The following ESCO1 variants were observed in gnomAD, a reference collection of about 807,000 sequenced individuals.
ESCO1 encodes the protein N-acetyltransferase ESCO1.
ESCO1 carries 33 observed loss-of-function variants against 83.5 expected under a neutral mutation model. The ratio of observed to expected loss-of-function variants is 0.40; its 90% CI spans 0.30 to 0.53. The LOEUF is 0.53. ESCO1 is among the 20% of genes least tolerant of loss of function. ESCO1 has a pLI of 0.63. For missense variants in ESCO1, 855 were observed against 968.0 expected (o/e 0.88, Z 1.55); for synonymous variants, 332 against 324.3 (o/e 1.02, Z -0.25).
chr18:21,551,176 AAC>A (rs972063905), intron 8 of ESCO1, among the ~76,000 whole-genome samples: 4 of 151,476 alleles, frequency 2.6e-5, no homozygotes, highest in African/African-American at 9.7e-5. Flanking sequence ...AATGTATAGA[AAC>A]ACAATGTCCA....
intron 2 of ESCO1, among the ~76,000 whole-genome samples, chr18:21,577,456 C>T (rs1246543232): frequency 2.7e-5 from 4 of 148,714 alleles, no homozygotes; most frequent in Non-Finnish European, 4.4e-5. Flanking sequence ...GTCAGGAGGT[C>T]GAGACCATCC....
intron 8 of ESCO1, among the ~76,000 whole-genome samples, chr18:21,559,286 G>A (rs920669963): frequency 6.6e-6 from 1 of 152,208 alleles, no homozygotes; most frequent in Non-Finnish European, 1.5e-5. Flanking sequence ...ATCAAGGGGG[G>A]GTTGGAGGAG....
At chr18:21,571,361 G>T (rs958118064) in intron 4 of ESCO1, among the ~76,000 whole-genome samples, 12 of 151,950 alleles carry the variant, frequency 7.9e-5, no homozygotes, top group Non-Finnish European at 1.8e-4. Flanking sequence ...CTAATTTCTT[G>T]TATTTTTAGA....
Position 21,529,697 on chromosome 18 carries a change from C to T in ESCO1, c.*646G>A, listed in dbSNP as rs1951425477. 1 of 152,114 alleles carries T rather than the reference C, an allele frequency of 6.6e-6. No homozygotes were observed. Among genetic ancestry groups the T allele is most frequent in the Non-Finnish European group, 1.5e-5 (1 of 68,028 alleles). 9.4% of individuals were successfully genotyped at this position (152,114 alleles called of 1,614,324 possible). ...CAAGAAGGAAAGCCTCAATTCTTTACCACTTTCTACTTCCTCCTTCCATCA... is the reference window on the plus strand; with the variant it reads ...CAAGAAGGAAAGCCTCAATTCTTTATCACTTTCTACTTCCTCCTTCCATCA... On this transcript the variant is annotated 3_prime_UTR_variant, in exon 12 of 12. Coordinates refer to ENST00000269214, the MANE Select transcript of ESCO1 (RefSeq NM_052911.3).
intron 2 of ESCO1, among the ~76,000 whole-genome samples, chr18:21,577,026 CTT>C (rs770806966): frequency 4.8e-5 from 7 of 147,048 alleles, no homozygotes; most frequent in Admixed American, 2.0e-4. Context: ...GAGCGAGACT[CTT>C]GTCTCAAAAA....
chr18:21,545,251 A>G (rs530875618), intron 8 of ESCO1, among the ~76,000 whole-genome samples: 27 of 152,254 alleles, frequency 1.8e-4, no homozygotes, highest in African/African-American at 6.0e-4. Context: ...CTTTCTTTAC[A>G]TGTTATAAGT....
chr18:21,561,064 T>C (rs1048863597), intron 7 of ESCO1, 74 bp from the exon 8 acceptor site: 6 of 1,407,796 alleles, frequency 4.3e-6, no homozygotes, highest in African/African-American at 2.9e-5. Flanking sequence ...TCTAAGGCTA[T>C]AGTGTGAGCA....
chr18:21,539,126 A>AT (rs2037873006), intron 9 of ESCO1, among the ~76,000 whole-genome samples: 1 of 152,054 alleles, frequency 6.6e-6, no homozygotes, highest in Non-Finnish European at 1.5e-5. Context: ...ATATATCCTT[A>AT]TATCTTAAAA....
rs1192534759 is a variant in ESCO1 at position 21,579,794 on chromosome 18, G to GCGCA, written c.-693-4018_-693-4017insTGCG. On this transcript the variant is annotated intron_variant, in intron 2 of 11. Transcript: ENST00000269214. ...CTGACACACACACACACGCGCGCGC[G>GCGCA]CACACACACACACACACACACACAC... is the stretch of plus-strand genomic sequence containing the variant. Among the ~76,000 whole-genome samples, 149 of 37,162 alleles carry GCGCA rather than the reference G, an allele frequency of 4.0e-3. 1 individual carries two copies. The highest frequency in any genetic ancestry group is 0.033 in the East Asian group (43 of 1,302). The allele number at this position is 37,162 out of a possible 152,430, so 24.4% of individuals were successfully genotyped here.
chr18:21,568,241 A>G (rs768578525), intron 4 of ESCO1, 147 bp from the exon 5 acceptor site: 132 of 616,842 alleles, frequency 2.1e-4, no homozygotes, highest in Non-Finnish European at 3.5e-4. Context: ...TGATCTTGCT[A>G]CAAGCTACCC....
At chr18:21,595,929 A>AC (rs1296241447) in intron 1 of ESCO1, among the ~76,000 whole-genome samples, 19 of 152,196 alleles carry the variant, frequency 1.2e-4, no homozygotes, top group Non-Finnish European at 2.4e-4. Context: ...ACGCCACTGC[A>AC]CTCCACCCTG....
In ESCO1 at chr18:21,539,791, T is replaced by C. The variant is rs2037880085; in HGVS notation, c.2043+129A>G. ...TGAACCCGGGAGACAGAGGTTGCAGTGAGCCGAGATCGTGCCACTGCACTC... is the reference window on the plus strand; with the variant it reads ...TGAACCCGGGAGACAGAGGTTGCAGCGAGCCGAGATCGTGCCACTGCACTC... On this transcript the variant is annotated intron_variant, in intron 9 of 11. Coordinates refer to ENST00000269214, the MANE Select transcript of ESCO1 (RefSeq NM_052911.3). The C allele has an allele frequency of 3.5e-5, 23 of 665,152 alleles. No homozygotes were observed. The South Asian group carries it at 4.4e-4, about 13-fold the overall frequency. The allele number at this position is 665,152 out of a possible 1,614,324, so 41.2% of individuals were successfully genotyped here.
chr18:21,557,102 T>C lies in ESCO1; in HGVS notation c.1953+3757A>G, dbSNP rs73427705. ...TGCCTAATATGTATACTACTGTCTA[T>C]ATATGCCATTGAAATATTACTTCTC... On this transcript the variant is annotated intron_variant, in intron 8 of 11. Coordinates refer to ENST00000269214, the MANE Select transcript of ESCO1 (RefSeq NM_052911.3). 8.0e-3 allele frequency among the ~76,000 whole-genome samples: 1,219 copies of C among 152,118 alleles called. 19 individuals carry two copies. The highest frequency in any genetic ancestry group is 0.028 in the African/African-American group (1,175 of 41,486).
intron 8 of ESCO1, among the ~76,000 whole-genome samples, chr18:21,556,492 C>G (rs2038113814): frequency 6.6e-6 from 1 of 152,256 alleles, no homozygotes; most frequent in East Asian, 1.9e-4. Flanking sequence ...AACTTCTTTC[C>G]TCAACTTTCT....
chr18:21,560,862 A>C lies in ESCO1; in HGVS notation c.1950T>G (p.Tyr650Ter). The change falls in exon 8 of 12, where the codon TAT becomes TAG. Residue 650 changes from tyrosine to a stop codon, truncating the protein, a stop_gained. Transcript: ENST00000269214. LOFTEE classifies it high-confidence loss of function. ...FHNQFISAVK[Y>*]VGWKKERILA... ...AGAATTCACAAATTCCACTTACCACATATTTAACAGCACTTATAAACTGGT... is the reference window on the plus strand; with the variant it reads ...AGAATTCACAAATTCCACTTACCACCTATTTAACAGCACTTATAAACTGGT... 1.2e-6 allele frequency: 2 copies of C among 1,601,996 alleles called. No homozygotes were observed. The highest frequency in any genetic ancestry group is 1.7e-6 in the Non-Finnish European group (2 of 1,176,984).
intron 10 of ESCO1, among the ~76,000 whole-genome samples, chr18:21,535,181 A>G (rs1384745086): frequency 1.3e-5 from 2 of 151,968 alleles, no homozygotes; most frequent in Non-Finnish European, 2.9e-5. Flanking sequence ...GGTATCCAAC[A>G]TGGAAACTTC....
chr18:21,561,389 G>A (rs1437236211), intron 7 of ESCO1, among the ~76,000 whole-genome samples: 1 of 152,088 alleles, frequency 6.6e-6, no homozygotes. Flanking sequence ...TGTCACCCAG[G>A]CTGGGACTAC....
intron 1 of ESCO1, among the ~76,000 whole-genome samples, chr18:21,592,244 C>T (rs1414999141): frequency 2.1e-5 from 3 of 146,044 alleles, no homozygotes; most frequent in Non-Finnish European, 4.6e-5. Flanking sequence ...CCAGTAGGGG[C>T]GGCCGGGCAG....
intron 8 of ESCO1, among the ~76,000 whole-genome samples, chr18:21,553,161 A>G (rs1005621576): frequency 6.6e-6 from 1 of 151,984 alleles, no homozygotes; most frequent in African/African-American, 2.4e-5. Context: ...ACGGTGGTGT[A>G]CCCCTGTGGT....
Sources: allele counts gnomAD v4.1 joint callset (sites outside exome capture counted in the v4.1 genomes callset), GRCh38; gene constraint gnomAD v4.1.1; transcripts MANE v1.5; gene names NCBI Gene and HGNC (gene_info 2026-07-23, HGNC 2026-07-21).